ARHGAP32: variants seen among roughly 807,000 people sequenced by gnomAD.
ARHGAP32 encodes rho GTPase-activating protein 32.
Under a neutral mutation model 186.5 loss-of-function variants are expected in ARHGAP32, and 51 were observed. The observed-to-expected ratio is 0.27, with a 90% CI of 0.22 to 0.35. The LOEUF (loss-of-function observed/expected upper bound fraction) is 0.35, where lower values mean the gene tolerates loss of function less well. Ranked by LOEUF, ARHGAP32 falls within the 10% of genes least tolerant of loss-of-function variation. ARHGAP32 has a pLI of 1.00. For missense variants in ARHGAP32, 2,186 were observed against 2,623.5 expected, an observed-to-expected ratio of 0.83 and a Z score of 3.64; for synonymous variants, 950 against 964.3, an observed-to-expected ratio of 0.99 and a Z score of 0.27.
At chr11:129,197,559 C>G (rs1463602577) in intron 1 of ARHGAP32, among the ~76,000 whole-genome samples, 8 of 152,086 alleles carry the variant, frequency 5.3e-5, no homozygotes, top group African/African-American at 1.9e-4. Flanking sequence ...TAAAATTTCT[C>G]AGAAAATTTT....
chr11:128,973,163 C>T lies in ARHGAP32; in HGVS notation c.3343G>A (p.Asp1115Asn), dbSNP rs746571955. Residue 1115 changes from aspartate to asparagine, a missense_variant, in exon 22 of 23, where the codon GAT becomes AAT. Asp to Asn is a conservative substitution (Grantham distance 23). Coordinates refer to ENST00000682385, the MANE Select transcript of ARHGAP32 (RefSeq NM_001378024.1). ...AGGTGGAACTGCTCTGCTGGTCGAT[C>T]GGTTTGGAAATAGGCCTTATCTAGA... ...VALDKAYFQTDRPAEQFHLQN... is the reference protein window; with the variant it reads ...VALDKAYFQTNRPAEQFHLQN... The T allele has an allele frequency of 4.1e-5, 66 of 1,613,928 alleles. No individual in the cohort carries two copies. The highest frequency in any genetic ancestry group is 1.2e-4 in the South Asian group (11 of 91,070).
At chr11:129,211,624 C>A (rs1415681133) in intron 1 of ARHGAP32, among the ~76,000 whole-genome samples, 1 of 152,214 alleles carries the variant, frequency 6.6e-6, no homozygotes. Context: ...CAGGCATCAC[C>A]CACCCACTTG....
chr11:129,082,924 C>T (rs1280556568), intron 6 of ARHGAP32, among the ~76,000 whole-genome samples: 1 of 151,800 alleles, frequency 6.6e-6, no homozygotes, highest in African/African-American at 2.4e-5. Flanking sequence ...AATAATTCCA[C>T]CACAAAGTGT....
At chr11:129,031,346 C>G (rs11221541) in intron 11 of ARHGAP32, among the ~76,000 whole-genome samples, 29,685 of 152,138 alleles carry the variant, frequency 0.2, 3,093 homozygotes, top group Non-Finnish European at 0.23. Context: ...TCTTGCCTCA[C>G]TTTTCAGTTA....
intron 11 of ARHGAP32, among the ~76,000 whole-genome samples, chr11:129,004,090 T>C (rs1318367990): frequency 6.6e-6 from 1 of 152,052 alleles, no homozygotes; most frequent in East Asian, 1.9e-4. Flanking sequence ...AGAAATTTTT[T>C]CAATTTCCTT....
At chr11:129,275,567 A>C (rs532142660) in intron 1 of ARHGAP32, among the ~76,000 whole-genome samples, 2 of 152,392 alleles carry the variant, frequency 1.3e-5, no homozygotes, top group East Asian at 3.9e-4. Context: ...AAGTAAAAAA[A>C]AAAGTTAAGT....
chr11:129,034,201 T>A (rs497619), intron 11 of ARHGAP32, among the ~76,000 whole-genome samples: 18,578 of 152,216 alleles, frequency 0.12, 1,313 homozygotes, highest in Non-Finnish European at 0.15. Flanking sequence ...TGACCTCCTC[T>A]ACTCCATCAG....
rs926151750 is a variant in ARHGAP32 at position 128,966,837 on chromosome 11, G to C, written c.*2070C>G. The stretch of plus-strand genomic sequence containing the variant: ...CTGGTGTGGTCTCCAAGGGGCAATG[G>C]GTTGCCTACTTGACAAGAATATGAT... On this transcript the variant is annotated 3_prime_UTR_variant, in exon 23 of 23. Coordinates refer to ENST00000682385, the MANE Select transcript of ARHGAP32 (RefSeq NM_001378024.1). 6.6e-6 allele frequency: 1 copy of C among 152,120 alleles called. No homozygotes were observed. Among genetic ancestry groups the C allele is most frequent in the Non-Finnish European group, 1.5e-5 (1 of 68,038 alleles). 9.4% of individuals were successfully genotyped at this position (152,120 alleles called of 1,614,324 possible).
At chr11:128,989,122 T>C (rs3971780) in intron 12 of ARHGAP32, among the ~76,000 whole-genome samples, 42,333 of 152,134 alleles carry the variant, frequency 0.28, 6,368 homozygotes, top group Middle Eastern at 0.4. Context: ...AACAGTATAT[T>C]GTCATTCCTT....
chr11:129,061,008 A>T (rs1191901701), intron 10 of ARHGAP32, among the ~76,000 whole-genome samples: 1 of 152,150 alleles, frequency 6.6e-6, no homozygotes, highest in Non-Finnish European at 1.5e-5. Flanking sequence ...CTGGAGCCAG[A>T]GCCCACTCTT....
At chr11:129,273,922 T>G (rs922265060) in intron 1 of ARHGAP32, among the ~76,000 whole-genome samples, 1 of 152,142 alleles carries the variant, frequency 6.6e-6, no homozygotes, top group Non-Finnish European at 1.5e-5. Context: ...ACACATGCTT[T>G]TCCTCTCAAT....
chr11:129,160,770 C>G (rs1943512489), intron 2 of ARHGAP32, among the ~76,000 whole-genome samples: 1 of 152,150 alleles, frequency 6.6e-6, no homozygotes. Flanking sequence ...CCTCATCAAG[C>G]CACCATTGAC....
At chr11:129,221,201 A>G (rs934169593) in intron 1 of ARHGAP32, among the ~76,000 whole-genome samples, 2 of 152,218 alleles carry the variant, frequency 1.3e-5, no homozygotes, top group African/African-American at 4.8e-5. Flanking sequence ...GCCCGCAAAA[A>G]TAAAATCTAT....
At chr11:129,073,303 A>G (rs1318340617) in intron 6 of ARHGAP32, among the ~76,000 whole-genome samples, 5 of 152,236 alleles carry the variant, frequency 3.3e-5, no homozygotes, top group Non-Finnish European at 5.9e-5. Context: ...GAATTATCAG[A>G]CCAATAATTT....
intron 6 of ARHGAP32, among the ~76,000 whole-genome samples, chr11:129,076,689 A>G (rs1217941597): frequency 6.6e-6 from 1 of 152,222 alleles, no homozygotes; most frequent in African/African-American, 2.4e-5. Flanking sequence ...GTGCTTAGAG[A>G]AAAATCCATA....
intron 2 of ARHGAP32, among the ~76,000 whole-genome samples, chr11:129,128,234 T>C (rs1942707286): frequency 6.6e-6 from 1 of 152,222 alleles, no homozygotes; most frequent in African/African-American, 2.4e-5. Flanking sequence ...GGCATTTCAT[T>C]ATATTTTTAT....
intron 1 of ARHGAP32, among the ~76,000 whole-genome samples, chr11:129,238,594 C>T (rs973536791): frequency 6.6e-6 from 1 of 152,018 alleles, no homozygotes; most frequent in East Asian, 1.9e-4. Flanking sequence ...TAATCAACTG[C>T]AAATTGGGTG....
At chr11:129,257,370 G>GA (rs1442821785) in intron 1 of ARHGAP32, among the ~76,000 whole-genome samples, 5 of 152,068 alleles carry the variant, frequency 3.3e-5, no homozygotes, top group Non-Finnish European at 5.9e-5. Flanking sequence ...GGAAAATGTA[G>GA]AAAAGTTCAG....
At chr11:129,199,950 G>A (rs1028727513) in intron 1 of ARHGAP32, among the ~76,000 whole-genome samples, 2 of 152,200 alleles carry the variant, frequency 1.3e-5, no homozygotes, top group African/African-American at 4.8e-5. Context: ...GCATCAGTGT[G>A]ACCTGGGTGT....
Sources: gnomAD v4.1 joint callset for allele counts (sites outside exome capture counted in the v4.1 genomes callset) on GRCh38, gnomAD v4.1.1 for gene constraint, MANE v1.5 for transcripts, NCBI Gene and HGNC (gene_info 2026-07-23, HGNC 2026-07-21) for gene names.